The following MAFG variants were observed in gnomAD, a reference collection of about 807,000 sequenced individuals.
The protein encoded by MAFG is MAF bZIP transcription factor G, also known as transcription factor MafG.
Under a neutral mutation model 12.2 loss-of-function variants are expected in MAFG, and 3 were observed. The observed-to-expected ratio is 0.25, with a 90% CI of 0.11 to 0.64. MAFG has a LOEUF of 0.64. MAFG is among the 30% of genes least tolerant of loss of function. MAFG has a pLI of 0.85. For missense variants in MAFG, 153 were observed against 235.5 expected (o/e 0.65, Z 2.29); for synonymous variants, 126 against 109.1 (o/e 1.15, Z -0.96).
rs1467342331 is a variant in MAFG at position 81,922,962 on chromosome 17, C to A, written c.132G>T (p.Leu44=). The A allele has an allele frequency of 1.2e-6, 2 of 1,600,136 alleles. No homozygotes were observed. Among genetic ancestry groups the A allele is most frequent in the Admixed American group, 3.4e-5 (2 of 58,266 alleles). ...VRELNQHLRG[L]SKEEIVQLKQ... is the part of the protein sequence containing the mutation. ...TCAGCTGGACGATCTCCTCCTTGGA[C>A]AGGCCCCGCAGGTGCTGGTTCAGCT... The change falls in exon 3 of 3, where the codon CTG becomes CTT. Residue 44 remains leucine, a synonymous_variant. Transcript: ENST00000357736.
Position 81,922,639 on chromosome 17 carries a change from G to C in MAFG, c.455C>G (p.Thr152Arg). ...GGCATCCGTCTTGGACTTTACTATT[G>C]TGATGACGCTGGTGGCGGCCACCTT... is the stretch of plus-strand genomic sequence containing the variant. The part of the protein sequence containing the change: ...PGKVAATSVI[T>R]IVKSKTDARS Residue 152 changes from threonine to arginine, a missense_variant, in exon 3 of 3, where the codon ACA becomes AGA. Around this residue, in one of 3 missense-constraint regions of MAFG, gnomAD observed 81 missense variants for 94.7 expected, o/e 0.86. Coordinates refer to ENST00000357736, the MANE Select transcript of MAFG (RefSeq NM_002359.4). The C allele has an allele frequency of 6.7e-7, 1 of 1,502,306 alleles. No individual in the cohort carries two copies. The highest frequency in any genetic ancestry group is 8.8e-7 in the Non-Finnish European group (1 of 1,129,990). The allele number at this position is 1,502,306 out of a possible 1,614,324, so 93.1% of individuals were successfully genotyped here.
At chr17:81,925,210 G>C (rs909210375) in intron 1 of MAFG, among the ~76,000 whole-genome samples, 1 of 151,062 alleles carries the variant, frequency 6.6e-6, no homozygotes. Context: ...TCTGCTCCCA[G>C]AGGCTAATAA....
At chr17:81,929,960 G>T, upstream of MAFG, 1 of 145,776 alleles carries the variant, frequency 6.9e-6, no homozygotes, top group East Asian at 1.9e-4. This position sits in a 1 kb window ranked among gnomAD's most constrained non-coding sequence, Gnocchi z 5.7. Flanking sequence ...GCACCTCCCC[G>T]GCATCCTCCC....
Position 81,919,263 on chromosome 17 carries a change from T to C in MAFG, c.*3342A>G, listed in dbSNP as rs1299193830. 3.3e-5 allele frequency: 5 copies of C among 152,264 alleles called. No individual in the cohort carries two copies. Among genetic ancestry groups the C allele is most frequent in the Admixed American group, 3.3e-4 (5 of 15,288 alleles). The allele number at this position is 152,264 out of a possible 1,614,324, so 9.4% of individuals were successfully genotyped here. A position where few individuals can be genotyped will look rare whatever the true frequency, so the allele number is the denominator to read the frequency against. On this transcript the variant is annotated 3_prime_UTR_variant, in exon 3 of 3. Transcript: ENST00000357736. ...ACTTTCCAGATGTGGATGGGCGCTT[T>C]GGCCAAGTGGCCACTCCAGAGGGAG...
At position 81,921,559 on chromosome 17, in the gene MAFG, CTTTT is replaced by C. The variant is rs749769497; in HGVS notation, c.*1042_*1045del. 19 of 138,130 alleles carry C rather than the reference CTTTT, an allele frequency of 1.4e-4. No homozygotes were observed. In the East Asian group the frequency reaches 2.9e-3, roughly 21 times the overall value. The allele number at this position is 138,130 out of a possible 1,614,324, so 8.6% of individuals were successfully genotyped here. ...GCCTTCTGGTCGGCTCACGGCTTGG[CTTTT>C]TTTTTTTTGTCTTTTTTTTAAACTA... is the stretch of plus-strand genomic sequence containing the variant. On this transcript the variant is annotated 3_prime_UTR_variant, in exon 3 of 3. Transcript: ENST00000357736.
chr17:81,927,696 G>C lies in MAFG; in HGVS notation c.-198C>G, dbSNP rs1208724126. The C allele has an allele frequency of 6.6e-6, 1 of 151,046 alleles. No individual in the cohort carries two copies. Among genetic ancestry groups the C allele is most frequent in the Non-Finnish European group, 1.5e-5 (1 of 67,526 alleles). The allele number at this position is 151,046 out of a possible 1,614,324, so 9.4% of individuals were successfully genotyped here. A position where few individuals can be genotyped will look rare whatever the true frequency, so the allele number is the denominator to read the frequency against. ...GGGAAGGCCGGGCCGGACCAGGCTC[G>C]GGATCCGCCGCCGCCGCCGCCGCTC... On this transcript the variant is annotated 5_prime_UTR_variant, in exon 1 of 3. Coordinates refer to ENST00000357736, the MANE Select transcript of MAFG (RefSeq NM_002359.4).
chr17:81,923,443 A>G, intron 1 of MAFG: 1 of 436,420 alleles, frequency 2.3e-6, no homozygotes, highest in South Asian at 4.9e-5. Flanking sequence ...GAGGTCAGGA[A>G]GGTCTGACGG....
rs1378943919 is a variant in MAFG at position 81,923,214 on chromosome 17, T to C, written c.-29A>G. On this transcript the variant is annotated splice_region_variant and 5_prime_UTR_variant, in exon 2 of 3. Coordinates refer to ENST00000357736, the MANE Select transcript of MAFG (RefSeq NM_002359.4). ...CCGGGGGCACAGCGAGCAGGCGCTC[T>C]CTGCAAGACACGGAGCAGGTCAGTA... The C allele has an allele frequency of 3.9e-6, 6 of 1,554,662 alleles. No homozygotes were observed. Among genetic ancestry groups the C allele is most frequent in the Non-Finnish European group, 4.3e-6 (5 of 1,150,042 alleles).
chr17:81,925,258 C>T (rs529887009), intron 1 of MAFG, among the ~76,000 whole-genome samples: 104 of 152,314 alleles, frequency 6.8e-4, no homozygotes, highest in Non-Finnish European at 1.1e-3. Flanking sequence ...GTCACGGCTC[C>T]GCAACCTGCG....
Position 81,922,453 on chromosome 17 carries a change from G to A in MAFG, c.*152C>T, listed in dbSNP as rs997569684. 2.1e-5 allele frequency: 12 copies of A among 568,408 alleles called. No individual in the cohort carries two copies. Among genetic ancestry groups the A allele is most frequent in the East Asian group, 6.8e-5 (2 of 29,456 alleles). The allele number at this position is 568,408 out of a possible 1,614,324, so 35.2% of individuals were successfully genotyped here. ...CGAGATCAAAGGGGCTCAGCCCGGC[G>A]CCCCTGGGGTACAGGTTGTGCTTTG... On this transcript the variant is annotated 3_prime_UTR_variant, in exon 3 of 3. Transcript: ENST00000357736.
At chr17:81,923,410 C>G in intron 1 of MAFG, 196 bp from the exon 2 acceptor site, 1 of 472,532 alleles carries the variant, frequency 2.1e-6, no homozygotes, top group East Asian at 3.4e-5. Flanking sequence ...TCCTGTCCAC[C>G]CTGCCCCTAG....
In MAFG at chr17:81,918,340, A is replaced by G; in HGVS notation, c.*4265T>C. ...TATATATCACAAACATACACTATGT[A>G]CAGCAATAAATACCCGGGGGGCCAG... is the stretch of plus-strand genomic sequence containing the variant. On this transcript the variant is annotated 3_prime_UTR_variant, in exon 3 of 3. Transcript: ENST00000357736. 2.4e-6 allele frequency: 1 copy of G among 419,846 alleles called. No homozygotes were observed. Among genetic ancestry groups the G allele is most frequent in the Non-Finnish European group, 4.2e-6 (1 of 240,044 alleles). The allele number at this position is 419,846 out of a possible 1,614,324, so 26.0% of individuals were successfully genotyped here.
Position 81,924,809 on chromosome 17 carries a change from C to T in MAFG, c.-29-1595G>A, listed in dbSNP as rs996067162. ...CCCTCAGCCAAGCATGGAGGGGCCC[C>T]CCAGCCTTGAGTGCAAGTCAGGGTG... On this transcript the variant is annotated intron_variant, in intron 1 of 2. Coordinates refer to ENST00000357736, the MANE Select transcript of MAFG (RefSeq NM_002359.4). The surrounding 1 kb of genome is among the most constrained non-coding windows in gnomAD (Gnocchi z 4.7). Among the ~76,000 whole-genome samples the T allele has an allele frequency of 2.6e-5, 4 of 152,224 alleles. No homozygotes were observed. The highest frequency in any genetic ancestry group is 4.4e-5 in the Non-Finnish European group (3 of 68,028).
chr17:81,925,590 C>T (rs1488865805), intron 1 of MAFG, among the ~76,000 whole-genome samples: 3 of 152,092 alleles, frequency 2.0e-5, no homozygotes, highest in African/African-American at 7.2e-5. Context: ...GGGTGGATTA[C>T]GAGGTCAGGA....
chr17:81,922,509 G>A lies in MAFG; in HGVS notation c.*96C>T, dbSNP rs189444442. The A allele has an allele frequency of 1.4e-3, 1,359 of 979,932 alleles. 9 individuals are homozygous for A. The Middle Eastern group carries it at 0.035, about 25-fold the overall frequency. The allele number at this position is 979,932 out of a possible 1,614,324, so 60.7% of individuals were successfully genotyped here. On this transcript the variant is annotated 3_prime_UTR_variant, in exon 3 of 3. Transcript: ENST00000357736. ...AAGAGAGAAGGGTGGGGAAGAGAGG[G>A]AGGAAAGAGAAGAGAAGGAAACAGA...
Position 81,921,660 on chromosome 17 carries a change from G to A in MAFG, c.*945C>T, listed in dbSNP as rs1204783702. 6 of 151,114 alleles carry A rather than the reference G, an allele frequency of 4.0e-5. 1 individual carries two copies. Among genetic ancestry groups the A allele is most frequent in the South Asian group, 4.2e-4 (2 of 4,784 alleles). The allele number at this position is 151,114 out of a possible 1,614,324, so 9.4% of individuals were successfully genotyped here. A position where few individuals can be genotyped will look rare whatever the true frequency, so the allele number is the denominator to read the frequency against. On this transcript the variant is annotated 3_prime_UTR_variant, in exon 3 of 3. Transcript: ENST00000357736. ...CTCCAACAGCCACAAAGAGGTGTCC[G>A]TAAGTTTACAAGAAAGGGATTTTTT...
upstream of MAFG, among the ~76,000 whole-genome samples, chr17:81,929,118 C>T (rs1323769597): frequency 6.6e-6 from 1 of 152,252 alleles, no homozygotes; most frequent in Non-Finnish European, 1.5e-5. This position sits in a 1 kb window ranked among gnomAD's most constrained non-coding sequence, Gnocchi z 5.7. Context: ...CACTCACTCC[C>T]ACACCCCAAC....
intron 1 of MAFG, chr17:81,923,936 T>C (rs1185837059): frequency 6.6e-6 from 1 of 152,372 alleles, no homozygotes; most frequent in African/African-American, 2.4e-5. Context: ...AGCTCTGGTC[T>C]GTTGGCAGGA....
Position 81,923,023 on chromosome 17 carries a change from A to C in MAFG, c.71T>G (p.Leu24Arg). The change falls in exon 3 of 3, where the codon CTG becomes CGG. Residue 24 changes from leucine (L) to arginine (R), a missense_variant. Coordinates refer to ENST00000357736, the MANE Select transcript of MAFG (RefSeq NM_002359.4). ...CATGGTCACCAGCTCCTCATCCGTC[A>C]GGCTGGTGCCATTCTCACCCGGCTC... Reference protein sequence around the residue: ...KREPGENGTSLTDEELVTMSV... With the variant: ...KREPGENGTSRTDEELVTMSV... The C allele has an allele frequency of 6.3e-7, 1 of 1,597,868 alleles. No homozygotes were observed.
Sources: allele counts gnomAD v4.1 joint callset (sites outside exome capture counted in the v4.1 genomes callset), GRCh38; gene constraint gnomAD v4.1.1; regional missense constraint gnomAD v4.1.1; non-coding constraint Gnocchi (gnomAD v3.1); transcripts MANE v1.5; gene names NCBI Gene and HGNC (gene_info 2026-07-23, HGNC 2026-07-21).